Variants in RAB3C observed in about 807,000 individuals in gnomAD.
RAB3C encodes the protein ras-related protein Rab-3C.
A neutral mutation model predicts 26.4 loss-of-function variants in RAB3C; 17 were observed. The observed-to-expected ratio is 0.64, with a 90% CI of 0.44 to 0.97. The LOEUF is 0.97. Ranked by LOEUF, RAB3C falls within the 50% of genes least tolerant of loss-of-function variation. The pLI, the probability that RAB3C is intolerant of heterozygous loss-of-function variation, is 0.00. For missense variants in RAB3C, 242 were observed against 281.9 expected (o/e 0.86, Z 1.01); for synonymous variants, 91 against 95.9 (o/e 0.95, Z 0.30).
At chr5:58,762,863 G>A (rs1212033011) in intron 3 of RAB3C, among the ~76,000 whole-genome samples, 3 of 151,796 alleles carry the variant, frequency 2.0e-5, no homozygotes, top group Non-Finnish European at 2.9e-5. Flanking sequence ...GATAATTTTC[G>A]GAAAAAGGTA....
intron 3 of RAB3C, among the ~76,000 whole-genome samples, chr5:58,757,939 G>GTTTT (rs1741710426): frequency 6.6e-6 from 1 of 151,882 alleles, no homozygotes. Flanking sequence ...TTGTTGTTTT[G>GTTTT]TTTTGTTTTG....
intron 1 of RAB3C, among the ~76,000 whole-genome samples, chr5:58,612,041 A>G (rs181290311): frequency 6.6e-6 from 1 of 152,160 alleles, no homozygotes; most frequent in South Asian, 2.1e-4. Flanking sequence ...AGACAGTTGT[A>G]GGTGTGCGGT....
At chr5:58,668,353 G>T (rs1024746281) in intron 2 of RAB3C, among the ~76,000 whole-genome samples, 1 of 152,204 alleles carries the variant, frequency 6.6e-6, no homozygotes, top group East Asian at 1.9e-4. Context: ...TAAATATGAG[G>T]GTGGGAGGTT....
At position 58,696,299 on chromosome 5, in the gene RAB3C, T is replaced by A. The variant is rs1476561731; in HGVS notation, c.253-29703T>A. 2.0e-5 allele frequency among the ~76,000 whole-genome samples: 3 copies of A among 152,240 alleles called. No homozygotes were observed. In the East Asian group the frequency reaches 5.8e-4, roughly 29 times the overall value. The stretch of plus-strand genomic sequence containing the variant: ...AACTTGATCGTGGTGGATAAGCTTT[T>A]TGATGTGCTGCTGGATTCGGTTTGC... On this transcript the variant is annotated intron_variant, in intron 2 of 4. Coordinates refer to ENST00000282878, the MANE Select transcript of RAB3C (RefSeq NM_138453.4).
intron 1 of RAB3C, among the ~76,000 whole-genome samples, chr5:58,614,492 C>T (rs1275559515): frequency 6.6e-6 from 1 of 151,940 alleles, no homozygotes; most frequent in Admixed American, 6.6e-5. Flanking sequence ...AAAAAAAACC[C>T]ATGAACAGTC....
intron 2 of RAB3C, among the ~76,000 whole-genome samples, chr5:58,671,276 C>T (rs1209161654): frequency 6.6e-6 from 1 of 152,040 alleles, no homozygotes; most frequent in Non-Finnish European, 1.5e-5. Flanking sequence ...CTCTCATTCT[C>T]CCCCCACTTT....
intron 2 of RAB3C, among the ~76,000 whole-genome samples, chr5:58,693,790 G>A (rs1246368587): frequency 6.6e-6 from 1 of 152,124 alleles, no homozygotes; most frequent in Non-Finnish European, 1.5e-5. Flanking sequence ...TTGCCTGATG[G>A]CATGCCAATT....
intron 2 of RAB3C, among the ~76,000 whole-genome samples, chr5:58,669,138 A>C (rs982975963): frequency 1.3e-5 from 2 of 152,154 alleles, no homozygotes; most frequent in Non-Finnish European, 2.9e-5. Context: ...GGCTCAAAAT[A>C]TGAATTTTGG....
At chr5:58,785,337 A>G (rs413683) in intron 3 of RAB3C, among the ~76,000 whole-genome samples, 119,313 of 152,198 alleles carry the variant, frequency 0.78, 46,924 homozygotes, top group African/African-American at 0.83. Flanking sequence ...CCAGCTAATT[A>G]TAATGTGCAG....
chr5:58,822,743 A>C, intron 3 of RAB3C: 1 of 515,140 alleles, frequency 1.9e-6, no homozygotes, highest in Admixed American at 2.3e-5. Flanking sequence ...GCATATGTAC[A>C]TGGTACATGA....
rs983239534 is a variant in RAB3C at position 58,752,055 on chromosome 5, C to A, written c.371+25935C>A. On this transcript the variant is annotated intron_variant, in intron 3 of 4. Transcript: ENST00000282878. ...GCCTAAACTGTTAACAAAATTATTA[C>A]AGAGATGCAAAAAAAAATTATTCTT... is the stretch of plus-strand genomic sequence containing the variant. Among the ~76,000 whole-genome samples, 8 of 144,636 alleles carry A rather than the reference C, an allele frequency of 5.5e-5. No individual in the cohort carries two copies. The South Asian group carries it at 1.3e-3, about 23-fold the overall frequency. 94.9% of individuals were successfully genotyped at this position (144,636 alleles called of 152,430 possible). A position where few individuals can be genotyped will look rare whatever the true frequency, so the allele number is the denominator to read the frequency against.
intron 4 of RAB3C, among the ~76,000 whole-genome samples, chr5:58,840,994 A>G (rs1487813219): frequency 6.6e-6 from 1 of 152,224 alleles, no homozygotes; most frequent in South Asian, 2.1e-4. Context: ...ATGCAGGTGC[A>G]AGGCTCTTCA....
chr5:58,837,208 T>A (rs1241271220), intron 4 of RAB3C, among the ~76,000 whole-genome samples: 2 of 152,084 alleles, frequency 1.3e-5, no homozygotes, highest in Non-Finnish European at 2.9e-5. Context: ...TGAGGCAGAG[T>A]CTTACTCTGT....
chr5:58,626,394 A>C (rs969795415), intron 2 of RAB3C, among the ~76,000 whole-genome samples: 4 of 152,186 alleles, frequency 2.6e-5, no homozygotes, highest in African/African-American at 9.6e-5. Flanking sequence ...TAAATTTACC[A>C]ACCAAAATGT....
At chr5:58,762,553 C>T (rs190614348) in intron 3 of RAB3C, among the ~76,000 whole-genome samples, 5 of 152,070 alleles carry the variant, frequency 3.3e-5, no homozygotes, top group East Asian at 3.9e-4. Flanking sequence ...ATTAGCTGGG[C>T]GTCGTGGCTG....
chr5:58,693,349 T>TATAC (rs1561291397), intron 2 of RAB3C, among the ~76,000 whole-genome samples: 3 of 143,908 alleles, frequency 2.1e-5, no homozygotes, highest in Admixed American at 2.1e-4. Flanking sequence ...TATATATATA[T>TATAC]ATATATATAT....
At chr5:58,596,541 A>C (rs1361761698) in intron 1 of RAB3C, among the ~76,000 whole-genome samples, 1 of 132,072 alleles carries the variant, frequency 7.6e-6, no homozygotes, top group East Asian at 2.0e-4. Flanking sequence ...ATAAATATAT[A>C]ATACTATATA....
At chr5:58,732,084 ATTTT>A (rs554030351) in intron 3 of RAB3C, among the ~76,000 whole-genome samples, 1,299 of 122,016 alleles carry the variant, frequency 0.011, 9 homozygotes, top group Non-Finnish European at 0.018. Flanking sequence ...TTATTTATTT[ATTTT>A]TTTCTGTTTT....
intron 2 of RAB3C, among the ~76,000 whole-genome samples, chr5:58,660,848 C>A (rs1397209628): frequency 6.7e-6 from 1 of 150,000 alleles, no homozygotes; most frequent in East Asian, 1.9e-4. Context: ...TCTTACCTGG[C>A]ATGGACTGAA....
Sources: allele counts gnomAD v4.1 joint callset (sites outside exome capture counted in the v4.1 genomes callset), GRCh38; gene constraint gnomAD v4.1.1; transcripts MANE v1.5; gene names NCBI Gene and HGNC (gene_info 2026-07-23, HGNC 2026-07-21).